Variants in ZFHX4 observed in about 807,000 individuals in gnomAD.
ZFHX4 encodes zinc finger homeobox protein 4.
A neutral mutation model predicts 267.6 loss-of-function variants in ZFHX4; 56 were observed. The observed-to-expected ratio is 0.21, with a 90% confidence interval of 0.17 to 0.26. ZFHX4 has a LOEUF of 0.26. Ranked by LOEUF, ZFHX4 falls within the 10% of genes least tolerant of loss-of-function variation. The pLI is 1.00. For missense variants in ZFHX4, 4,332 were observed against 4,420.0 expected, an observed-to-expected ratio of 0.98 and a Z score of 0.56; for synonymous variants, 1,778 against 1,665.6, an observed-to-expected ratio of 1.07 and a Z score of -1.64.
intron 3 of ZFHX4, among the ~76,000 whole-genome samples, chr8:76,775,351 A>T (rs1810374865): frequency 6.6e-6 from 1 of 152,206 alleles, no homozygotes; most frequent in Non-Finnish European, 1.5e-5. Flanking sequence ...GAATGAGAGG[A>T]TAGAAAATGT....
intron 3 of ZFHX4, among the ~76,000 whole-genome samples, chr8:76,709,471 G>A (rs1170513940): frequency 6.6e-6 from 1 of 152,018 alleles, no homozygotes; most frequent in Non-Finnish European, 1.5e-5. Flanking sequence ...CTGTTCAATT[G>A]TCTACTTTTT....
chr8:76,763,757 G>C (rs1809979536), intron 3 of ZFHX4, among the ~76,000 whole-genome samples: 1 of 152,092 alleles, frequency 6.6e-6, no homozygotes, highest in South Asian at 2.1e-4. Flanking sequence ...GAAAAAATGT[G>C]CTATAGGCGT....
At chr8:76,817,524 T>C (rs1054220161) in intron 4 of ZFHX4, among the ~76,000 whole-genome samples, 2 of 152,232 alleles carry the variant, frequency 1.3e-5, no homozygotes, top group African/African-American at 2.4e-5. Context: ...TGTATACTCT[T>C]ATTTCATCCT....
intron 5 of ZFHX4, among the ~76,000 whole-genome samples, chr8:76,837,477 G>C (rs1031581775): frequency 1.4e-5 from 2 of 143,296 alleles, no homozygotes; most frequent in African/African-American, 5.3e-5. Context: ...ATTTGGTAAA[G>C]AGGGAAATGC....
intron 3 of ZFHX4, among the ~76,000 whole-genome samples, chr8:76,744,286 C>T (rs964878795): frequency 6.6e-5 from 10 of 151,906 alleles, no homozygotes; most frequent in Admixed American, 2.6e-4. Flanking sequence ...GCGGAGGTTG[C>T]GGGGAGTCGA....
At chr8:76,732,378 T>C (rs1809044202) in intron 3 of ZFHX4, among the ~76,000 whole-genome samples, 1 of 152,080 alleles carries the variant, frequency 6.6e-6, no homozygotes, top group African/African-American at 2.4e-5. Flanking sequence ...TAAGTGTATA[T>C]ATATGTTAAA....
At chr8:76,812,822 A>G (rs1037924122) in intron 4 of ZFHX4, among the ~76,000 whole-genome samples, 2 of 152,116 alleles carry the variant, frequency 1.3e-5, no homozygotes, top group African/African-American at 4.8e-5. Context: ...GTAATTTACA[A>G]TTGCAGGTAA....
chr8:76,842,205 G>T (rs1394588510), intron 5 of ZFHX4, among the ~76,000 whole-genome samples: 1 of 152,218 alleles, frequency 6.6e-6, no homozygotes, highest in African/African-American at 2.4e-5. Flanking sequence ...GGGTCTGAAA[G>T]CTGGAGTAAC....
chr8:76,831,395 TAG>T (rs146531119), intron 4 of ZFHX4, among the ~76,000 whole-genome samples: 1 of 151,170 alleles, frequency 6.6e-6, no homozygotes, highest in African/African-American at 2.4e-5. Context: ...TGCACACACA[TAG>T]AGAGAGAGAG....
chr8:76,752,495 A>C (rs930590900), intron 3 of ZFHX4, among the ~76,000 whole-genome samples: 17 of 150,184 alleles, frequency 1.1e-4, no homozygotes, highest in Admixed American at 9.3e-4. Flanking sequence ...TCCAAAAAAA[A>C]AAAAAAAAAA....
At chr8:76,845,568 A>G (rs1024721519) in intron 6 of ZFHX4, among the ~76,000 whole-genome samples, 4 of 152,092 alleles carry the variant, frequency 2.6e-5, no homozygotes, top group African/African-American at 7.2e-5. Context: ...TCCAAGTTTT[A>G]TAGTATTCAA....
In ZFHX4 at chr8:76,852,772, T is replaced by G; in HGVS notation, c.5851T>G (p.Cys1951Gly). The change falls in exon 10 of 11, where the codon TGT (cysteine) becomes GGT (glycine). Residue 1951 changes from cysteine to glycine, a missense_variant. Cys to Gly is a radical substitution (Grantham distance 159). Around this residue, in one of 7 missense-constraint regions of ZFHX4, gnomAD observed 1,371 missense variants for 1,423.1 expected, o/e 0.96. Transcript: ENST00000651372. ...ENTDKLECGT[C>G]GKLFSNVLIL... is the part of the protein sequence containing the mutation. ...CACTGACAAACTAGAATGTGGAACA[T>G]GTGGTAAATTGTTTTCCAATGTTCT... 1 of 1,613,460 alleles carries G rather than the reference T, an allele frequency of 6.2e-7. No homozygotes were observed. The highest frequency in any genetic ancestry group is 8.5e-7 in the Non-Finnish European group (1 of 1,179,624).
chr8:76,760,749 G>A (rs1359749504), intron 3 of ZFHX4, among the ~76,000 whole-genome samples: 6 of 151,624 alleles, frequency 4.0e-5, no homozygotes, highest in Non-Finnish European at 1.5e-5. Flanking sequence ...GCAACATAAG[G>A]AGATCTCTTC....
At chr8:76,689,800 G>A (rs1178914739) in intron 1 of ZFHX4, among the ~76,000 whole-genome samples, 1 of 152,020 alleles carries the variant, frequency 6.6e-6, no homozygotes, top group Non-Finnish European at 1.5e-5. Context: ...CCACTTTAAG[G>A]CATATTTGAG....
At chr8:76,751,062 C>T (rs1809602173) in intron 3 of ZFHX4, among the ~76,000 whole-genome samples, 1 of 152,062 alleles carries the variant, frequency 6.6e-6, no homozygotes, top group Non-Finnish European at 1.5e-5. Flanking sequence ...TTATAGGAAG[C>T]TTAAATTTGG....
intron 4 of ZFHX4, among the ~76,000 whole-genome samples, chr8:76,791,783 C>G (rs965886820): frequency 6.6e-6 from 1 of 152,140 alleles, no homozygotes; most frequent in East Asian, 1.9e-4. Flanking sequence ...TTTTAAAATT[C>G]TATGGTTAGT....
At chr8:76,814,201 G>T (rs1167376633) in intron 4 of ZFHX4, among the ~76,000 whole-genome samples, 1 of 152,158 alleles carries the variant, frequency 6.6e-6, no homozygotes, top group African/African-American at 2.4e-5. Context: ...CTCCTGAACA[G>T]CTGGGATTAC....
At chr8:76,790,696 T>C (rs1296430302) in intron 4 of ZFHX4, among the ~76,000 whole-genome samples, 1 of 152,292 alleles carries the variant, frequency 6.6e-6, no homozygotes, top group South Asian at 2.1e-4. Context: ...TGAGGACTTA[T>C]TGAACTACTA....
At chr8:76,750,802 C>T (rs7822914) in intron 3 of ZFHX4, among the ~76,000 whole-genome samples, 40,479 of 151,914 alleles carry the variant, frequency 0.27, 7,120 homozygotes, top group African/African-American at 0.49. Context: ...TCTAAATATA[C>T]TCCTTTGTTC....
Sources: allele counts gnomAD v4.1 joint callset (sites outside exome capture counted in the v4.1 genomes callset), GRCh38; gene constraint gnomAD v4.1.1; regional missense constraint gnomAD v4.1.1; transcripts MANE v1.5; gene names NCBI Gene and HGNC (gene_info 2026-07-23, HGNC 2026-07-21).